The following DDX60L variants were observed in gnomAD, a reference collection of about 807,000 sequenced individuals.
DDX60L encodes the protein DExD/H-box 60 like, also known as probable ATP-dependent RNA helicase DDX60-like.
A neutral mutation model predicts 211.6 loss-of-function variants in DDX60L; 191 were observed. The observed-to-expected ratio is 0.90, with a 90% CI of 0.80 to 1.02. The LOEUF (loss-of-function observed/expected upper bound fraction) is 1.02. Ranked by LOEUF, DDX60L falls within the 50% of genes least tolerant of loss-of-function variation. DDX60L has a pLI of 0.00. For synonymous variants in DDX60L, 706 were observed against 694.1 expected (o/e 1.02, Z -0.27); for missense variants, 2,007 against 1,984.1 (o/e 1.01, Z -0.22).
chr4:168,449,240 C>T (rs947438649), intron 8 of DDX60L, among the ~76,000 whole-genome samples: 1 of 151,916 alleles, frequency 6.6e-6, no homozygotes, highest in Non-Finnish European at 1.5e-5. Context: ...TAGCCAAGAC[C>T]TTAAGATTAA....
intron 25 of DDX60L, among the ~76,000 whole-genome samples, chr4:168,403,346 C>A (rs1282228852): frequency 6.6e-6 from 1 of 152,208 alleles, no homozygotes. Context: ...CTTCACATTA[C>A]CATTGGATCA....
intron 25 of DDX60L, among the ~76,000 whole-genome samples, chr4:168,403,097 A>G (rs1457191701): frequency 2.0e-5 from 3 of 152,210 alleles, no homozygotes; most frequent in South Asian, 2.1e-4. Context: ...ATGTTATAAC[A>G]TGTTGGCAGA....
rs1184978606 is a variant in DDX60L, at chr4:168,356,782, C to T, written c.*1365G>A. On this transcript the variant is annotated 3_prime_UTR_variant, in exon 38 of 38. Transcript: ENST00000682922. ...CTGATGGGTGCCAAGTCACTTACTA[C>T]ATAAACTACAACAATACCAAGTTTT... 2 of 152,224 alleles carry T rather than the reference C, an allele frequency of 1.3e-5. No homozygotes were observed. The highest frequency in any genetic ancestry group is 2.9e-5 in the Non-Finnish European group (2 of 68,024). The allele number at this position is 152,224 out of a possible 1,614,324, so 9.4% of individuals were successfully genotyped here.
intron 9 of DDX60L, among the ~76,000 whole-genome samples, chr4:168,444,830 C>T (rs1381237598): frequency 6.1e-5 from 7 of 115,194 alleles, no homozygotes; most frequent in East Asian, 2.5e-4. Context: ...TTGAAACCAA[C>T]GAGAACAAAG....
chr4:168,375,067 A>T (rs1013090928), intron 34 of DDX60L, among the ~76,000 whole-genome samples: 12 of 152,170 alleles, frequency 7.9e-5, no homozygotes, highest in African/African-American at 2.9e-4. Flanking sequence ...ACTTTTTCTG[A>T]TCCAGTTTTC....
chr4:168,430,781 A>T, intron 12 of DDX60L, 143 bp from the exon 13 acceptor site: 1 of 587,116 alleles, frequency 1.7e-6, no homozygotes, highest in Non-Finnish European at 2.7e-6. Flanking sequence ...TAACAAAATA[A>T]TTCCCTATAT....
At chr4:168,461,667 C>T in intron 5 of DDX60L, 32 bp downstream of exon 5, 2 of 1,390,784 alleles carry the variant, frequency 1.4e-6, no homozygotes, top group Non-Finnish European at 1.9e-6. Context: ...AACAAGAAAT[C>T]AGGAAAAAAA....
chr4:168,405,786 C>T (rs924848568), intron 24 of DDX60L, among the ~76,000 whole-genome samples, 164 bp downstream of exon 24: 1 of 152,204 alleles, frequency 6.6e-6, no homozygotes, highest in Non-Finnish European at 1.5e-5. Flanking sequence ...CATTTCCCTC[C>T]TCCTTTATTC....
intron 10 of DDX60L, among the ~76,000 whole-genome samples, chr4:168,438,008 G>A (rs1396234185): frequency 6.6e-6 from 1 of 152,068 alleles, no homozygotes; most frequent in Admixed American, 6.6e-5. Flanking sequence ...CGAGTAGCTG[G>A]GATTACAGGC....
intron 4 of DDX60L, among the ~76,000 whole-genome samples, chr4:168,465,570 T>A (rs1351897231): frequency 6.6e-6 from 1 of 152,158 alleles, no homozygotes; most frequent in African/African-American, 2.4e-5. Flanking sequence ...ATCTTCACAC[T>A]AACCAATGTC....
At chr4:168,413,975 C>A (rs909492139) in intron 22 of DDX60L, among the ~76,000 whole-genome samples, 1 of 152,046 alleles carries the variant, frequency 6.6e-6, no homozygotes, top group African/African-American at 2.4e-5. Context: ...AGAAAGGATC[C>A]TAAAAGCAGC....
At chr4:168,442,368 C>T (rs1399340169) in intron 9 of DDX60L, among the ~76,000 whole-genome samples, 5 of 152,058 alleles carry the variant, frequency 3.3e-5, no homozygotes, top group African/African-American at 7.2e-5. Context: ...CACGGAGTCT[C>T]GCTGATTGCT....
intron 9 of DDX60L, among the ~76,000 whole-genome samples, chr4:168,448,031 A>T (rs1425431979): frequency 2.0e-5 from 3 of 152,068 alleles, no homozygotes; most frequent in Admixed American, 6.6e-5. Flanking sequence ...AGTATAATAA[A>T]AAAAAAAGGA....
At chr4:168,400,802 GT>G (rs1560992023) in intron 26 of DDX60L, 23 bp downstream of exon 26, 1 of 1,578,990 alleles carries the variant, frequency 6.3e-7, no homozygotes, top group Non-Finnish European at 8.6e-7. Context: ...GGGCCAATTT[GT>G]TTAAGTAAAC....
chr4:168,439,781 A>T (rs1433701805), intron 10 of DDX60L, among the ~76,000 whole-genome samples: 4 of 152,232 alleles, frequency 2.6e-5, no homozygotes, highest in Non-Finnish European at 2.9e-5. Context: ...ACCATAATCA[A>T]CTTTAATATT....
chr4:168,471,633 C>G, intron 4 of DDX60L, 114 bp downstream of exon 4: 1 of 822,012 alleles, frequency 1.2e-6, no homozygotes, highest in Non-Finnish European at 1.8e-6. Flanking sequence ...GTTAACCTGT[C>G]TTTTTATATT....
At chr4:168,431,609 G>A (rs974813700) in intron 12 of DDX60L, among the ~76,000 whole-genome samples, 17 of 150,944 alleles carry the variant, frequency 1.1e-4, no homozygotes, top group Non-Finnish European at 1.6e-4. Flanking sequence ...GCTAAATGAC[G>A]AGTTAATGGG....
chr4:168,431,649 A>C (rs1752374353), intron 12 of DDX60L, among the ~76,000 whole-genome samples: 1 of 151,960 alleles, frequency 6.6e-6, no homozygotes, highest in South Asian at 2.1e-4. Flanking sequence ...ACATGTATAC[A>C]TATGTAACTA....
chr4:168,425,541 C>T (rs1751320636), intron 14 of DDX60L, among the ~76,000 whole-genome samples: 1 of 152,212 alleles, frequency 6.6e-6, no homozygotes, highest in South Asian at 2.1e-4. Context: ...GCGGATAGAT[C>T]ACCTGAGGTC....
Sources: gnomAD v4.1 joint callset for allele counts (sites outside exome capture counted in the v4.1 genomes callset) on GRCh38, gnomAD v4.1.1 for gene constraint, MANE v1.5 for transcripts, NCBI Gene and HGNC (gene_info 2026-07-23, HGNC 2026-07-21) for gene names.